Variants in IL4R observed in about 807,000 individuals in gnomAD.
The protein encoded by IL4R is interleukin 4 receptor, also known as interleukin-4 receptor subunit alpha.
Under a neutral mutation model 41.5 loss-of-function variants are expected in IL4R, and 17 were observed. The ratio of observed to expected loss-of-function variants is 0.41; its 90% CI spans 0.28 to 0.61. IL4R has a LOEUF of 0.61. Ranked by LOEUF, IL4R falls within the 20% of genes least tolerant of loss-of-function variation. The probability of loss-of-function intolerance (pLI) is 0.31; values close to 1 mark genes in which losing one functional copy is unlikely to be tolerated. For missense variants in IL4R, 974 were observed against 1,043.1 expected (o/e 0.93, Z 0.91); for synonymous variants, 402 against 422.9 (o/e 0.95, Z 0.61).
chr16:27,325,945 A>T (rs1159990539), intron 1 of IL4R, among the ~76,000 whole-genome samples: 1 of 152,110 alleles, frequency 6.6e-6, no homozygotes, highest in Non-Finnish European at 1.5e-5. Context: ...ATGGCTGTGG[A>T]ATCATTCTTG....
At chr16:27,332,528 C>T (rs1567312109) in intron 2 of IL4R, among the ~76,000 whole-genome samples, 1 of 152,032 alleles carries the variant, frequency 6.6e-6, no homozygotes, top group Admixed American at 6.6e-5. Flanking sequence ...AGAGCCAGGC[C>T]ATATCACATT....
intron 5 of IL4R, 140 bp from the exon 6 acceptor site, chr16:27,346,325 CTG>C (rs1252496450): frequency 8.7e-5 from 57 of 652,112 alleles, no homozygotes; most frequent in Admixed American, 4.7e-4. Flanking sequence ...GGCTCTGAAT[CTG>C]TGTGGTGCTC....
rs2086336371 is a variant in IL4R at position 27,362,588 on chromosome 16, G to A, written c.1236G>A (p.Leu412=). 2 of 1,614,214 alleles carry A rather than the reference G, an allele frequency of 1.2e-6. No individual in the cohort carries two copies. The highest frequency in any genetic ancestry group is 1.7e-6 in the Non-Finnish European group (2 of 1,180,034). The change falls in exon 11 of 11, where the codon CTG becomes CTA. Residue 412 remains leucine, a synonymous_variant. Transcript: ENST00000395762. The part of the protein sequence containing the change: ...IVARLTESLF[L]DLLGEENGGF... ...CCCGGCTAACAGAGAGCCTGTTCCT[G>A]GACCTGCTCGGAGAGGAGAATGGGG...
rs550684533 is a variant in IL4R, at chr16:27,327,126, G to A, written c.-151-2940G>A. Among the ~76,000 whole-genome samples, 475 of 152,206 alleles carry A rather than the reference G, an allele frequency of 3.1e-3. 1 individual carries two copies. The highest frequency in any genetic ancestry group is 0.02 in the Middle Eastern group (6 of 294). On this transcript the variant is annotated intron_variant, in intron 1 of 10. Transcript: ENST00000395762. ...CTGTCGTGGAGTTTCAGGGGTCAGC[G>A]GCTCCAAAGCCCCAGCCCCCACCCG...
rs146226201 is a variant in IL4R, at chr16:27,362,496, G to A, written c.1144G>A (p.Gly382Arg). ...GGAGGAGGAGGTAGAGGAAGAAAAAGGGAGCTTCTGTGCATCGCCTGAGAG... is the reference window on the plus strand; with the variant it reads ...GGAGGAGGAGGTAGAGGAAGAAAAAAGGAGCTTCTGTGCATCGCCTGAGAG... ...EEEEEVEEEK[G>R]SFCASPESSR... The change falls in exon 11 of 11, where the codon GGG becomes AGG. Residue 382 changes from glycine (G) to arginine (R), a missense_variant. Coordinates refer to ENST00000395762, the MANE Select transcript of IL4R (RefSeq NM_000418.4). 2.6e-4 allele frequency: 414 copies of A among 1,614,156 alleles called. 2 individuals are homozygous for A. The African/African-American group carries it at 4.9e-3, about 19-fold the overall frequency.
intron 2 of IL4R, among the ~76,000 whole-genome samples, chr16:27,336,222 C>G (rs1188062502): frequency 1.3e-5 from 2 of 152,138 alleles, no homozygotes; most frequent in Non-Finnish European, 2.9e-5. Context: ...TCATCTAACA[C>G]AAAGCCTGTT....
At chr16:27,342,392 G>C in intron 4 of IL4R, 133 bp downstream of exon 4, 1 of 1,100,286 alleles carries the variant, frequency 9.1e-7, no homozygotes, top group South Asian at 1.5e-5. Context: ...TATGGTGTTA[G>C]AGGGGAGGTC....
rs150702871 is a variant in IL4R, at chr16:27,359,441, C to A, written c.849+447C>A. On this transcript the variant is annotated intron_variant, in intron 9 of 10. Transcript: ENST00000395762. ...CTCATTGGCCTGAAATGTATCCCACCCCTAAGCCAGGGGTGGAGTCAGCTT... is the reference window on the plus strand; with the variant it reads ...CTCATTGGCCTGAAATGTATCCCACACCTAAGCCAGGGGTGGAGTCAGCTT... Among the ~76,000 whole-genome samples the A allele has an allele frequency of 2.3e-4, 35 of 152,302 alleles. 1 individual carries two copies. The highest frequency in any genetic ancestry group is 8.4e-4 in the African/African-American group (35 of 41,560).
In IL4R at chr16:27,359,007, G is replaced by A. The variant is rs115860782; in HGVS notation, c.849+13G>A. On this transcript the variant is annotated intron_variant, in intron 9 of 10. Transcript: ENST00000395762. The stretch of plus-strand genomic sequence containing the variant: ...CCAGGATGCTCAGGTAGGAGTAGGC[G>A]TGGATGAGGACATGTGGGACTGTGT... The A allele has an allele frequency of 1.1e-3, 1,841 of 1,602,926 alleles. 23 individuals are homozygous for A. In the African/African-American group the frequency reaches 0.021, roughly 18 times the overall value.
intron 5 of IL4R, 63 bp from the exon 6 acceptor site, chr16:27,346,404 G>T: frequency 6.3e-7 from 1 of 1,579,792 alleles, no homozygotes; most frequent in Non-Finnish European, 8.7e-7. Context: ...GTAGGCCGGG[G>T]CTGGGCTGGG....
At chr16:27,314,119 A>T in intron 1 of IL4R, 99 bp downstream of exon 1, 1 of 983,594 alleles carries the variant, frequency 1.0e-6, no homozygotes, top group Non-Finnish European at 1.2e-6. Context: ...GGCGGGGACC[A>T]CGGGGACCAC....
intron 8 of IL4R, among the ~76,000 whole-genome samples, chr16:27,357,898 T>G (rs563528929): frequency 6.6e-6 from 1 of 151,868 alleles, no homozygotes; most frequent in South Asian, 2.1e-4. Context: ...TTTCGTTTTT[T>G]TTTTTTTTTC....
chr16:27,355,937 G>A, intron 8 of IL4R, 30 bp downstream of exon 8: 1 of 1,524,942 alleles, frequency 6.6e-7, no homozygotes, highest in Non-Finnish European at 9.1e-7. Flanking sequence ...CTGCCGAGCA[G>A]TCCCTCTGGA....
chr16:27,314,209 G>C, intron 1 of IL4R, 189 bp downstream of exon 1: 1 of 746,484 alleles, frequency 1.3e-6, no homozygotes, highest in South Asian at 5.9e-5. Context: ...CCGCCGAACG[G>C]CAGCGGAGGC....
chr16:27,345,146 C>A lies in IL4R; in HGVS notation c.361+126C>A. The A allele has an allele frequency of 9.3e-7, 1 of 1,070,934 alleles. No individual in the cohort carries two copies. The highest frequency in any genetic ancestry group is 1.4e-6 in the Non-Finnish European group (1 of 721,424). 66.3% of individuals were successfully genotyped at this position (1,070,934 alleles called of 1,614,324 possible). A position where few individuals can be genotyped will look rare whatever the true frequency, so the allele number is the denominator to read the frequency against. On this transcript the variant is annotated intron_variant, in intron 5 of 10. Transcript: ENST00000395762. The surrounding 1 kb of genome is among the most constrained non-coding windows in gnomAD (Gnocchi z 4.5). ...GCAGGAGGAAGCCGCCTGTATTTTC[C>A]CAAATCTGATGGGATTCCTGCCCCT... is the stretch of plus-strand genomic sequence containing the variant.
At chr16:27,337,958 C>CGTTT (rs2085310074) in intron 2 of IL4R, among the ~76,000 whole-genome samples, 1 of 145,640 alleles carries the variant, frequency 6.9e-6, no homozygotes, top group African/African-American at 2.6e-5. Context: ...TTTTTCTTTT[C>CGTTT]CTTTTTTTTT....
chr16:27,346,438 T>C (rs747400699), intron 5 of IL4R, 29 bp from the exon 6 acceptor site: 2 of 1,613,378 alleles, frequency 1.2e-6, no homozygotes, highest in African/African-American at 2.7e-5. Context: ...ACTGCATAGA[T>C]CCTCACATAG....
At chr16:27,321,838 T>A (rs1348490118) in intron 1 of IL4R, among the ~76,000 whole-genome samples, 1 of 152,198 alleles carries the variant, frequency 6.6e-6, no homozygotes, top group Admixed American at 6.5e-5. Flanking sequence ...GCTTTTTAAA[T>A]TTTTGAGACA....
chr16:27,328,173 C>T (rs2085013288), intron 1 of IL4R, among the ~76,000 whole-genome samples: 1 of 132,938 alleles, frequency 7.5e-6, no homozygotes, highest in Non-Finnish European at 1.5e-5. Context: ...TGCCACTGCA[C>T]TCCAGACTGG....
Sources: allele counts gnomAD v4.1 joint callset (sites outside exome capture counted in the v4.1 genomes callset), GRCh38; gene constraint gnomAD v4.1.1; non-coding constraint Gnocchi (gnomAD v3.1); transcripts MANE v1.5; gene names NCBI Gene and HGNC (gene_info 2026-07-23, HGNC 2026-07-21).